The following PTPRT variants were observed in gnomAD, a reference collection of about 807,000 sequenced individuals.
The protein encoded by PTPRT is receptor-type tyrosine-protein phosphatase T.
Under a neutral mutation model 176.8 loss-of-function variants are expected in PTPRT, and 56 were observed. The observed-to-expected ratio is 0.32, with a 90% confidence interval of 0.26 to 0.40. PTPRT has a LOEUF of 0.40. Ranked by LOEUF, PTPRT falls within the 10% of genes least tolerant of loss-of-function variation. The pLI, the probability that PTPRT is intolerant of heterozygous loss-of-function variation, is 1.00. For missense variants in PTPRT, 1,540 were observed against 1,908.2 expected (o/e 0.81, Z 3.60); for synonymous variants, 783 against 739.0 (o/e 1.06, Z -0.96).
At chr20:42,765,138 C>T (rs1457460949) in intron 5 of PTPRT, among the ~76,000 whole-genome samples, 1 of 152,224 alleles carries the variant, frequency 6.6e-6, no homozygotes, top group Non-Finnish European at 1.5e-5. Flanking sequence ...CTACAGAGAT[C>T]TGCACAGGGC....
intron 1 of PTPRT, among the ~76,000 whole-genome samples, chr20:43,087,054 G>A (rs558789325): frequency 6.6e-6 from 1 of 152,256 alleles, no homozygotes; most frequent in East Asian, 1.9e-4. Context: ...CCCCTTTGCA[G>A]GGAAATGCCC....
rs149488729 is a variant in PTPRT, at chr20:42,882,074, G to A, written c.214+3733C>T. Among the ~76,000 whole-genome samples, 260 of 152,286 alleles carry A rather than the reference G, an allele frequency of 1.7e-3. 2 individuals are homozygous for A. The highest frequency in any genetic ancestry group is 0.014 in the South Asian group (69 of 4,824). ...CCAGACCAAGTATAGCAGGGAGCTC[G>A]TCATACAAAGGGGATGGGCAAAAAG... is the stretch of plus-strand genomic sequence containing the variant. On this transcript the variant is annotated intron_variant, in intron 2 of 30. Coordinates refer to ENST00000373187, the MANE Select transcript of PTPRT (RefSeq NM_007050.6).
At chr20:42,317,103 T>C (rs1265061830) in intron 11 of PTPRT, among the ~76,000 whole-genome samples, 1 of 151,752 alleles carries the variant, frequency 6.6e-6, no homozygotes, top group East Asian at 1.9e-4. Flanking sequence ...ATGAATTAAA[T>C]TGGATTGAAT....
rs1317391831 is a variant in PTPRT, at chr20:42,388,388, C to T, written c.1561-36103G>A. On this transcript the variant is annotated intron_variant, in intron 9 of 30. Transcript: ENST00000373187. ...TGCAACCTACTCATCTGACAAAGCG[C>T]TAATATCCAGAATCTACAAAGCACT... Among the ~76,000 whole-genome samples, 6 of 152,050 alleles carry T rather than the reference C, an allele frequency of 3.9e-5. No homozygotes were observed. In the East Asian group the frequency reaches 9.6e-4, roughly 24 times the overall value.
chr20:42,868,698 T>TAAGG (rs1416823147), intron 2 of PTPRT, among the ~76,000 whole-genome samples: 1 of 152,168 alleles, frequency 6.6e-6, no homozygotes, highest in Admixed American at 6.5e-5. Flanking sequence ...AGTATGGGTG[T>TAAGG]AAGGAAGCCA....
At chr20:42,283,462 A>G (rs528928909) in intron 12 of PTPRT, among the ~76,000 whole-genome samples, 23 of 152,122 alleles carry the variant, frequency 1.5e-4, no homozygotes, top group Non-Finnish European at 3.1e-4. Flanking sequence ...GGCAATCAGG[A>G]TAGGAAAGGT....
At chr20:43,105,261 G>A (rs749059070) in intron 1 of PTPRT, among the ~76,000 whole-genome samples, 3 of 152,110 alleles carry the variant, frequency 2.0e-5, no homozygotes, top group South Asian at 2.1e-4. Flanking sequence ...TGATTCTGAC[G>A]CATGCTAAGT....
intron 12 of PTPRT, among the ~76,000 whole-genome samples, chr20:42,300,542 T>C (rs1345606465): frequency 1.3e-5 from 2 of 151,940 alleles, no homozygotes; most frequent in Non-Finnish European, 2.9e-5. Flanking sequence ...TAGCTAATTC[T>C]GGGACAATTT....
chr20:42,708,088 T>A (rs999736702), intron 6 of PTPRT, among the ~76,000 whole-genome samples: 3 of 152,170 alleles, frequency 2.0e-5, no homozygotes, highest in Non-Finnish European at 4.4e-5. Flanking sequence ...ATGCAAAATA[T>A]GTGTAATATA....
intron 7 of PTPRT, among the ~76,000 whole-genome samples, chr20:42,539,116 G>T (rs1475003900): frequency 6.6e-6 from 1 of 152,116 alleles, no homozygotes; most frequent in African/African-American, 2.4e-5. Flanking sequence ...TCTTAATACT[G>T]GATCTTCAGA....
At chr20:42,483,816 A>C (rs1320999771) in intron 7 of PTPRT, among the ~76,000 whole-genome samples, 1 of 151,928 alleles carries the variant, frequency 6.6e-6, no homozygotes, top group Non-Finnish European at 1.5e-5. Flanking sequence ...ATCTTGCTTT[A>C]CGGTGCTAAG....
At chr20:42,569,339 A>C (rs530487967) in intron 7 of PTPRT, among the ~76,000 whole-genome samples, 2 of 152,028 alleles carry the variant, frequency 1.3e-5, no homozygotes, top group South Asian at 4.2e-4. Context: ...GGGCAGGGAC[A>C]GTCCTGCCTT....
At chr20:42,449,667 T>C (rs2070792371) in intron 8 of PTPRT, among the ~76,000 whole-genome samples, 1 of 152,170 alleles carries the variant, frequency 6.6e-6, no homozygotes, top group African/African-American at 2.4e-5. Context: ...AAGAGGGAAC[T>C]AAACACCTGT....
chr20:42,189,422 G>C (rs1002764574), intron 16 of PTPRT, among the ~76,000 whole-genome samples: 1 of 152,072 alleles, frequency 6.6e-6, no homozygotes, highest in East Asian at 1.9e-4. Flanking sequence ...TCTCCTCTTA[G>C]AGGACAGTAA....
At chr20:42,271,878 G>T (rs1370485942) in intron 13 of PTPRT, among the ~76,000 whole-genome samples, 1 of 152,034 alleles carries the variant, frequency 6.6e-6, no homozygotes, top group African/African-American at 2.4e-5. Flanking sequence ...CAGACCAACT[G>T]ATAAACAAAA....
At chr20:42,735,476 G>C (rs890218878) in intron 6 of PTPRT, among the ~76,000 whole-genome samples, 6 of 151,814 alleles carry the variant, frequency 4.0e-5, no homozygotes, top group African/African-American at 1.5e-4. Context: ...AGAACATTTT[G>C]AGATGGAATT....
At chr20:42,960,862 C>G (rs1331268450) in intron 1 of PTPRT, among the ~76,000 whole-genome samples, 1 of 152,166 alleles carries the variant, frequency 6.6e-6, no homozygotes, top group Non-Finnish European at 1.5e-5. Context: ...ACAGGTATAG[C>G]TGTTCCCATT....
intron 1 of PTPRT, among the ~76,000 whole-genome samples, chr20:43,125,214 G>A (rs1162145346): frequency 1.3e-5 from 2 of 150,656 alleles, no homozygotes; most frequent in Non-Finnish European, 1.5e-5. Flanking sequence ...TGGTCAGGCT[G>A]GTCTCAAACT....
rs766282688 is a variant in PTPRT, at chr20:42,287,350, T to C, written c.2140-4825A>G. Among the ~76,000 whole-genome samples, 9 of 151,906 alleles carry C rather than the reference T, an allele frequency of 5.9e-5. No homozygotes were observed. In the South Asian group the frequency reaches 1.5e-3, roughly 24 times the overall value. ...ATCAAACTAGGTGTCCAAAACCAGA[T>C]GAATAAAGAAAATGTGGTATATATA... On this transcript the variant is annotated intron_variant, in intron 12 of 30. Transcript: ENST00000373187.
Sources: gnomAD v4.1 joint callset for allele counts (sites outside exome capture counted in the v4.1 genomes callset) on GRCh38, gnomAD v4.1.1 for gene constraint, MANE v1.5 for transcripts, NCBI Gene and HGNC (gene_info 2026-07-23, HGNC 2026-07-21) for gene names.